The following PLPP1 variants were observed in gnomAD, a reference collection of about 807,000 sequenced individuals.
The protein encoded by PLPP1 is lipid phosphate phosphohydrolase 1a.
In PLPP1, 24 loss-of-function variants were observed where a neutral mutation model predicts 31.2. The ratio of observed to expected loss-of-function variants is 0.77; its 90% CI spans 0.56 to 1.08. The LOEUF is 1.08. Among genes scored for constraint, PLPP1 ranks in the 50% least tolerant of loss-of-function variants. The pLI is 0.00. For synonymous variants in PLPP1, 146 were observed against 126.3 expected (o/e 1.16, Z -1.05); for missense variants, 319 against 342.7 (o/e 0.93, Z 0.55).
At chr5:55,506,586 C>A (rs1753284224) in intron 1 of PLPP1, among the ~76,000 whole-genome samples, 1 of 152,120 alleles carries the variant, frequency 6.6e-6, no homozygotes, top group Admixed American at 6.6e-5. Context: ...GAAACCTCAG[C>A]AAAATGTATA....
intron 3 of PLPP1, among the ~76,000 whole-genome samples, chr5:55,450,870 C>T (rs1047235067): frequency 2.0e-5 from 3 of 152,170 alleles, no homozygotes; most frequent in Non-Finnish European, 4.4e-5. Flanking sequence ...AAGAAGACTC[C>T]CTTGCTAAAA....
intron 1 of PLPP1, among the ~76,000 whole-genome samples, chr5:55,476,055 T>G (rs1361745364): frequency 6.6e-6 from 1 of 151,032 alleles, no homozygotes; most frequent in Non-Finnish European, 1.5e-5. Flanking sequence ...CATAGCTAAG[T>G]GCAGCCTTGA....
At position 55,480,429 on chromosome 5, in the gene PLPP1, G is replaced by A. The variant is rs192560016; in HGVS notation, c.59-4979C>T. ...TTTTCATTACCCCCCAAATTCCCTT[G>A]AGCCCATTTGCATTTAATCCCTGCT... On this transcript the variant is annotated intron_variant, in intron 1 of 5. Coordinates refer to ENST00000307259, the MANE Select transcript of PLPP1 (RefSeq NM_003711.4). 2.0e-5 allele frequency among the ~76,000 whole-genome samples: 3 copies of A among 151,020 alleles called. No homozygotes were observed. The East Asian group carries it at 5.8e-4, about 29-fold the overall frequency.
intron 1 of PLPP1, among the ~76,000 whole-genome samples, chr5:55,507,840 C>T (rs567512667): frequency 4.4e-4 from 64 of 143,892 alleles, no homozygotes; most frequent in African/African-American, 1.5e-3. Flanking sequence ...CCTATATCTG[C>T]ACACTGATCA....
chr5:55,463,885 A>G (rs565197601), intron 3 of PLPP1, among the ~76,000 whole-genome samples: 47 of 151,882 alleles, frequency 3.1e-4, no homozygotes, highest in Middle Eastern at 6.8e-3. Context: ...TTCAAAACAT[A>G]TATCTAACAA....
chr5:55,480,479 C>T (rs562972153), intron 1 of PLPP1, among the ~76,000 whole-genome samples: 3 of 151,938 alleles, frequency 2.0e-5, no homozygotes, highest in African/African-American at 4.8e-5. Flanking sequence ...CAGGCAACCA[C>T]TCATCTGCTA....
At chr5:55,503,734 G>A (rs1033159153) in intron 1 of PLPP1, among the ~76,000 whole-genome samples, 11 of 146,850 alleles carry the variant, frequency 7.5e-5, no homozygotes, top group South Asian at 2.2e-4. Context: ...AGCAGAGGTC[G>A]TGCCACTGCA....
intron 1 of PLPP1, among the ~76,000 whole-genome samples, chr5:55,502,671 T>C (rs1448384930): frequency 6.6e-6 from 1 of 152,194 alleles, no homozygotes; most frequent in Non-Finnish European, 1.5e-5. Flanking sequence ...TGCTGGATAA[T>C]GCAGATCTAG....
chr5:55,505,248 T>C (rs973799361), intron 1 of PLPP1, among the ~76,000 whole-genome samples: 1 of 152,166 alleles, frequency 6.6e-6, no homozygotes. Context: ...AAAGTCACTT[T>C]TAGTATTATT....
intron 1 of PLPP1, among the ~76,000 whole-genome samples, chr5:55,532,616 T>C (rs1431763324): frequency 6.6e-6 from 1 of 152,176 alleles, no homozygotes; most frequent in Non-Finnish European, 1.5e-5. Flanking sequence ...AATTTGAATA[T>C]ATTTAATTAT....
intron 1 of PLPP1, among the ~76,000 whole-genome samples, chr5:55,500,388 TTA>T (rs1753114450): frequency 6.6e-6 from 1 of 152,136 alleles, no homozygotes; most frequent in African/African-American, 2.4e-5. Context: ...CTAAAATTAT[TTA>T]TGTTTATATA....
chr5:55,504,144 G>C (rs1193772504), intron 1 of PLPP1, among the ~76,000 whole-genome samples: 1 of 151,746 alleles, frequency 6.6e-6, no homozygotes, highest in Non-Finnish European at 1.5e-5. Flanking sequence ...GCTGAGGTGG[G>C]TGGATCAGGA....
intron 3 of PLPP1, among the ~76,000 whole-genome samples, chr5:55,452,907 C>G (rs1751923327): frequency 6.6e-6 from 1 of 152,026 alleles, no homozygotes; most frequent in African/African-American, 2.4e-5. Flanking sequence ...GAAGGTACAC[C>G]AAAACAAAAG....
chr5:55,475,391 A>G lies in PLPP1; in HGVS notation c.118T>C (p.Cys40Arg). ...RHTPFQRGVF[C>R]NDESIKYPYK... ...GGGTACTTGATGGACTCATCATTACAGAATACTCCTCGTTGGAAGGGGGTA... is the reference window on the plus strand; with the variant it reads ...GGGTACTTGATGGACTCATCATTACGGAATACTCCTCGTTGGAAGGGGGTA... Residue 40 changes from cysteine (C) to arginine (R), a missense_variant, in exon 2 of 6, where the codon TGT becomes CGT. Cys to Arg is a radical substitution (Grantham distance 180). Coordinates refer to ENST00000307259, the MANE Select transcript of PLPP1 (RefSeq NM_003711.4). The G allele has an allele frequency of 6.2e-7, 1 of 1,612,914 alleles. No individual in the cohort carries two copies. Among genetic ancestry groups the G allele is most frequent in the South Asian group, 1.1e-5 (1 of 90,960 alleles).
chr5:55,443,192 A>AAAAAAAAAAAAAAATATAT, intron 3 of PLPP1, among the ~76,000 whole-genome samples: 95 of 25,314 alleles, frequency 3.8e-3, no homozygotes, highest in East Asian at 9.1e-3. Flanking sequence ...AAAAAAAAAA[A>AAAAAAAAAAAAAAATATAT]ATATATATAT....
chr5:55,477,542 C>T (rs1463190456), intron 1 of PLPP1, among the ~76,000 whole-genome samples: 1 of 151,762 alleles, frequency 6.6e-6, no homozygotes, highest in Non-Finnish European at 1.5e-5. Context: ...TACAGGCACC[C>T]ACCACCACGC....
At chr5:55,506,870 C>T (rs1200508616) in intron 1 of PLPP1, among the ~76,000 whole-genome samples, 1 of 152,074 alleles carries the variant, frequency 6.6e-6, no homozygotes, top group African/African-American at 2.4e-5. Context: ...TGGCTCTTTA[C>T]TACTTTGTTA....
At chr5:55,450,120 T>C (rs1249369452) in intron 3 of PLPP1, among the ~76,000 whole-genome samples, 1 of 152,218 alleles carries the variant, frequency 6.6e-6, no homozygotes, top group Non-Finnish European at 1.5e-5. Flanking sequence ...CTCTATTATA[T>C]AGGTCAATTT....
intron 1 of PLPP1, among the ~76,000 whole-genome samples, chr5:55,501,466 T>A (rs556453070): frequency 3.6e-5 from 2 of 56,222 alleles, no homozygotes; most frequent in Admixed American, 3.6e-4. Flanking sequence ...TTTAGAGATC[T>A]ATGATGATTT....
Sources: allele counts gnomAD v4.1 joint callset (sites outside exome capture counted in the v4.1 genomes callset), GRCh38; gene constraint gnomAD v4.1.1; transcripts MANE v1.5; gene names NCBI Gene and HGNC (gene_info 2026-07-23, HGNC 2026-07-21).